Variants in SLC9A6 observed in about 807,000 individuals in gnomAD.
SLC9A6 encodes sodium/hydrogen exchanger 6.
In SLC9A6, 6 loss-of-function variants were observed where a neutral mutation model predicts 45.3. The ratio of observed to expected loss-of-function variants is 0.13; its 90% CI spans 0.07 to 0.26. SLC9A6 has a LOEUF of 0.26. SLC9A6 is among the 10% of genes least tolerant of loss of function. SLC9A6 has a pLI of 1.00. For missense variants in SLC9A6, 278 were observed against 503.7 expected (o/e 0.55, Z 4.29); for synonymous variants, 191 against 187.7 (o/e 1.02, Z -0.14).
In SLC9A6 at chrX:135,986,361, C is replaced by T. The variant is rs182681472; in HGVS notation, c.169+534C>T. The stretch of plus-strand genomic sequence containing the variant: ...CGAGGTTGCAAAGGAAAATCTTATT[C>T]TTGTGGAGTCCGAAAAAAAAAACCC... On this transcript the variant is annotated intron_variant, in intron 2 of 17. Transcript: ENST00000630721. Among the ~76,000 whole-genome samples the T allele has an allele frequency of 2.5e-3, 277 of 110,167 alleles. 1 individual carries two copies. The highest frequency in any genetic ancestry group is 8.1e-3 in the African/African-American group (245 of 30,218).
At chrX:136,019,344 C>T (rs1196521270) in intron 11 of SLC9A6, among the ~76,000 whole-genome samples, 1 of 112,329 alleles carries the variant, frequency 8.9e-6, no homozygotes, top group Non-Finnish European at 1.9e-5. Context: ...CGTGGCTCAC[C>T]CCTGTCTGCC....
At chrX:135,985,404 C>A (rs1041201955), upstream of SLC9A6, 41 of 553,394 alleles carry the variant, frequency 7.4e-5, no homozygotes, top group African/African-American at 3.2e-4. Context: ...CGCGCTCCGA[C>A]GGCTACCCCC....
intron 17 of SLC9A6, among the ~76,000 whole-genome samples, chrX:136,042,802 G>A (rs2071536921): frequency 9.0e-6 from 1 of 110,677 alleles, no homozygotes; most frequent in East Asian, 2.8e-4. Flanking sequence ...GAGTATGTTA[G>A]ATGTCTTACC....
Position 135,997,968 on chromosome X carries a change from A to G in SLC9A6, c.370-140A>G, listed in dbSNP as rs782549192. On this transcript the variant is annotated intron_variant, in intron 3 of 17. Coordinates refer to ENST00000630721, the MANE Select transcript of SLC9A6 (RefSeq NM_001379110.1). ...AGAAGTAGAATAGAAACTATCCTAT[A>G]TGAAATATTTTTAAGTTAGCACAGT... 10 of 451,684 alleles carry G rather than the reference A, an allele frequency of 2.2e-5. No homozygotes were observed. The African/African-American group carries it at 2.4e-4, about 11-fold the overall frequency. 37.2% of individuals were successfully genotyped at this position (451,684 alleles called of 1,213,427 possible).
chrX:135,992,691 T>TTCCC (rs2148140570), intron 2 of SLC9A6, among the ~76,000 whole-genome samples: 1 of 112,350 alleles, frequency 8.9e-6, no homozygotes, highest in African/African-American at 3.2e-5. Context: ...CTGGAAAGAC[T>TTCCC]TCCCTAATGT....
At position 135,979,886 on chromosome X, in the gene SLC9A6, C is replaced by T. The variant is rs782540884; in HGVS notation, c.-57+5103C>T. Among the ~76,000 whole-genome samples, 275 of 111,688 alleles carry T rather than the reference C, an allele frequency of 2.5e-3. 1 individual carries two copies. The highest frequency in any genetic ancestry group is 4.4e-3 in the Non-Finnish European group (235 of 53,153). The stretch of plus-strand genomic sequence containing the variant: ...GTCCAAGCGATTCTCCCACCTCAGC[C>T]TCCCGAGTAGCTGGAATTACAGGCG... On this transcript the variant is annotated intron_variant, in intron 1 of 16. Transcript: ENST00000636092.
chrX:136,035,319 C>G (rs1187586326), intron 16 of SLC9A6, among the ~76,000 whole-genome samples: 1 of 112,115 alleles, frequency 8.9e-6, no homozygotes, highest in African/African-American at 3.2e-5. Context: ...TACAAAGATA[C>G]AAATGAACAT....
chrX:136,010,225 C>G, intron 7 of SLC9A6: 2 of 117,625 alleles, frequency 1.7e-5, no homozygotes, highest in Non-Finnish European at 1.7e-5. Flanking sequence ...CAATGTTCTA[C>G]CCCCCCCCCG....
intron 7 of SLC9A6, 115 bp downstream of exon 7, chrX:136,002,328 A>T (rs1227058964): frequency 1.8e-6 from 1 of 568,005 alleles, no homozygotes; most frequent in African/African-American, 2.2e-5. Flanking sequence ...AGAATGAGGC[A>T]TTTTTTTCCC....
chrX:136,024,561 T>C (rs1192120971), intron 13 of SLC9A6, 78 bp downstream of exon 13: 7 of 949,175 alleles, frequency 7.4e-6, no homozygotes, highest in Non-Finnish European at 1.1e-5. Flanking sequence ...CAATTTTTAA[T>C]CTTTGGAGAA....
At chrX:136,037,861 T>C (rs1033707506) in intron 16 of SLC9A6, among the ~76,000 whole-genome samples, 1 of 112,904 alleles carries the variant, frequency 8.9e-6, no homozygotes, top group Non-Finnish European at 1.9e-5. Context: ...TGAGCCACTG[T>C]GCCCAGCCTA....
chrX:136,001,399 G>A (rs1169196438), intron 6 of SLC9A6, among the ~76,000 whole-genome samples: 5 of 106,841 alleles, frequency 4.7e-5, no homozygotes, highest in South Asian at 4.1e-4. Context: ...TTTCATGTCC[G>A]CTTGGGTTTC....
intron 7 of SLC9A6, among the ~76,000 whole-genome samples, chrX:136,007,095 A>G (rs1356303536): frequency 9.0e-6 from 1 of 111,038 alleles, no homozygotes; most frequent in Non-Finnish European, 1.9e-5. Flanking sequence ...TCGAACTCCC[A>G]ACCTCAGGTG....
chrX:136,018,564 A>G (rs2071064950), intron 11 of SLC9A6, among the ~76,000 whole-genome samples: 1 of 111,850 alleles, frequency 8.9e-6, no homozygotes, highest in Admixed American at 9.5e-5. Flanking sequence ...ACATGATGAT[A>G]AGAAGGGAAG....
At chrX:135,997,398 C>CTTTTTTTT (rs1180028983) in intron 3 of SLC9A6, among the ~76,000 whole-genome samples, 3 of 63,306 alleles carry the variant, frequency 4.7e-5, no homozygotes, top group African/African-American at 6.6e-5. Context: ...CATGCTTTCT[C>CTTTTTTTT]TTTTTTTTTT....
chrX:136,040,831 T>G (rs1207447468), intron 17 of SLC9A6, among the ~76,000 whole-genome samples: 1 of 112,797 alleles, frequency 8.9e-6, no homozygotes, highest in Non-Finnish European at 1.9e-5. Context: ...TTTAAAAACC[T>G]TCCATTCTGG....
chrX:136,024,464 C>T lies in SLC9A6; in HGVS notation c.1441C>T (p.Leu481=). ...WVFGGGTTAM[L]SCLHIRYCAR... The stretch of plus-strand genomic sequence containing the variant: ...ATTTGGTGGTGGCACCACTGCAATG[C>T]TGTCATGCTTGCATATCAGGTAAGT... Residue 481 remains leucine (L), a synonymous_variant, in exon 13 of 18, where the codon CTG becomes TTG. Coordinates refer to ENST00000630721, the MANE Select transcript of SLC9A6 (RefSeq NM_001379110.1). 8.3e-7 allele frequency: 1 copy of T among 1,207,161 alleles called. No individual in the cohort carries two copies. The highest frequency in any genetic ancestry group is 1.1e-6 in the Non-Finnish European group (1 of 891,526).
chrX:135,990,026 C>G (rs1191981194), intron 2 of SLC9A6, among the ~76,000 whole-genome samples: 10 of 111,601 alleles, frequency 9.0e-5, no homozygotes, highest in Non-Finnish European at 1.3e-4. Context: ...CGCTCTGTCT[C>G]CCAGGCTGGA....
chrX:136,015,820 C>T (rs921651086), intron 10 of SLC9A6, among the ~76,000 whole-genome samples: 5 of 111,581 alleles, frequency 4.5e-5, no homozygotes, highest in Non-Finnish European at 9.4e-5. Flanking sequence ...AGACAGGGCT[C>T]AAGCCTAAGC....
Sources: allele counts gnomAD v4.1 joint callset (sites outside exome capture counted in the v4.1 genomes callset), GRCh38; gene constraint gnomAD v4.1.1; transcripts MANE v1.5; gene names NCBI Gene and HGNC (gene_info 2026-07-23, HGNC 2026-07-21).